The following GREB1L variants were observed in gnomAD, a reference collection of about 807,000 sequenced individuals.
GREB1L encodes the protein GREB1 like retinoic acid receptor coactivator.
Under a neutral mutation model 200.8 loss-of-function variants are expected in GREB1L, and 17 were observed. The ratio of observed to expected loss-of-function variants is 0.08; its 90% CI spans 0.06 to 0.13. GREB1L has a LOEUF of 0.13. GREB1L is among the 10% of genes least tolerant of loss of function. GREB1L has a pLI of 1.00. For missense variants in GREB1L, 1,657 were observed against 2,367.7 expected (o/e 0.70, Z 6.23); for synonymous variants, 789 against 893.0 (o/e 0.88, Z 2.08).
At chr18:21,383,409 A>C in intron 2 of GREB1L, 101 bp from the exon 3 acceptor site, 1 of 834,604 alleles carries the variant, frequency 1.2e-6, no homozygotes, top group South Asian at 2.1e-5. Context: ...TCTTAACAAG[A>C]TATATGGACA....
chr18:21,315,994 G>C (rs944657583), intron 1 of GREB1L, among the ~76,000 whole-genome samples: 7 of 152,158 alleles, frequency 4.6e-5, no homozygotes, highest in Admixed American at 4.6e-4. Context: ...GTCTGCCCTC[G>C]GGGATAGGCC....
intron 1 of GREB1L, among the ~76,000 whole-genome samples, chr18:21,334,522 A>G (rs549684570): frequency 6.6e-6 from 1 of 152,134 alleles, no homozygotes; most frequent in African/African-American, 2.4e-5. Flanking sequence ...CTTGCTGGAT[A>G]AAAAAATCAC....
intron 1 of GREB1L, among the ~76,000 whole-genome samples, chr18:21,277,041 G>C (rs1157769992): frequency 6.7e-6 from 1 of 148,804 alleles, no homozygotes; most frequent in East Asian, 2.0e-4. Flanking sequence ...CCATTCTCCT[G>C]CCTCAGCCTC....
At chr18:21,357,792 T>C (rs1464984259) in intron 1 of GREB1L, among the ~76,000 whole-genome samples, 1 of 152,194 alleles carries the variant, frequency 6.6e-6, no homozygotes, top group Non-Finnish European at 1.5e-5. Context: ...CGTGGATTAA[T>C]TTTGGGGGCT....
At chr18:21,458,491 C>G (rs1026828357) in intron 15 of GREB1L, among the ~76,000 whole-genome samples, 5 of 152,154 alleles carry the variant, frequency 3.3e-5, no homozygotes, top group Non-Finnish European at 7.3e-5. Context: ...AGCACCCAGG[C>G]AGGGAAGAGC....
At chr18:21,297,043 A>G (rs1215576163) in intron 1 of GREB1L, among the ~76,000 whole-genome samples, 2 of 152,134 alleles carry the variant, frequency 1.3e-5, no homozygotes. Flanking sequence ...CCATTGCTAG[A>G]GTCTCTTTAC....
chr18:21,487,055 A>G (rs886393238), intron 18 of GREB1L, among the ~76,000 whole-genome samples: 1 of 152,244 alleles, frequency 6.6e-6, no homozygotes, highest in Non-Finnish European at 1.5e-5. Flanking sequence ...GGATTTGGAA[A>G]GTCTTAACTG....
At chr18:21,279,757 C>T (rs1191944770) in intron 1 of GREB1L, among the ~76,000 whole-genome samples, 1 of 152,186 alleles carries the variant, frequency 6.6e-6, no homozygotes, top group African/African-American at 2.4e-5. Flanking sequence ...GCAATCCTCC[C>T]ACCCCAGCCA....
At position 21,508,389 on chromosome 18, in the gene GREB1L, T is replaced by C. The variant is rs1380923600; in HGVS notation, c.4533T>C (p.Asn1511=). Residue 1511 remains asparagine, a splice_region_variant and synonymous_variant, in exon 27 of 33, where the codon AAT becomes AAC. Coordinates refer to ENST00000424526, the MANE Select transcript of GREB1L (RefSeq NM_001142966.3). ...TCTGTTTTTTTCCCTTTCAGCAGAATTTGAATGCAGTCAAGAGCCCTATTT... is the reference window on the plus strand; with the variant it reads ...TCTGTTTTTTTCCCTTTCAGCAGAACTTGAATGCAGTCAAGAGCCCTATTT... The part of the protein sequence containing the change: ...SMRLPLVSDK[N]LNAVKSPIFT... The C allele has an allele frequency of 1.3e-6, 2 of 1,551,574 alleles. No homozygotes were observed. Among genetic ancestry groups the C allele is most frequent in the Admixed American group, 3.9e-5 (2 of 50,978 alleles).
At position 21,516,684 on chromosome 18, in the gene GREB1L, A is replaced by G; in HGVS notation, c.5201A>G (p.Asn1734Ser). 6.4e-7 allele frequency: 1 copy of G among 1,551,464 alleles called. No individual in the cohort carries two copies. Among genetic ancestry groups the G allele is most frequent in the Non-Finnish European group, 8.7e-7 (1 of 1,146,836 alleles). The change falls in exon 30 of 33, where the codon AAC becomes AGC. Residue 1734 changes from asparagine (N) to serine (S), a missense_variant. Transcript: ENST00000424526. ...GGCCTGCTCATCTGCCGCTTTAATA[A>G]CTTCAGTCTCATGAAGAAACATGTT... ...SSGLLICRFNNFSLMKKHVQV... is the reference protein window; with the variant it reads ...SSGLLICRFNSFSLMKKHVQV...
chr18:21,500,073 A>G lies in GREB1L; in HGVS notation c.3736A>G (p.Lys1246Glu), dbSNP rs1412435891. The change falls in exon 22 of 33, where the codon AAG (lysine) becomes GAG (glutamate). Residue 1246 changes from lysine to glutamate, a missense_variant. By Grantham distance (56) the Lys-to-Glu change is moderately conservative. Around this residue, in one of 9 missense-constraint regions of GREB1L, gnomAD observed 512 missense variants for 668.3 expected, o/e 0.77. Coordinates refer to ENST00000424526, the MANE Select transcript of GREB1L (RefSeq NM_001142966.3). ...KAAYSLLGSQ[K>E]SGKLPSSSSL... ...GGCCTACAGTCTCCTGGGCTCCCAG[A>G]AGAGTGGCAAGCTGCCATCCTCCTC... The G allele has an allele frequency of 6.4e-7, 1 of 1,551,624 alleles. No individual in the cohort carries two copies. Among genetic ancestry groups the G allele is most frequent in the African/African-American group, 1.4e-5 (1 of 73,170 alleles).
In GREB1L at chr18:21,485,681, A is replaced by G; in HGVS notation, c.2618A>G (p.Gln873Arg). The G allele has an allele frequency of 6.4e-7, 1 of 1,551,514 alleles. No individual in the cohort carries two copies. The highest frequency in any genetic ancestry group is 8.7e-7 in the Non-Finnish European group (1 of 1,146,816). ...FGLSEYSKSL[Q>R]WGITSPLLRC... ...TTGAGTGAGTACAGCAAGTCTCTGC[A>G]GTGGGGGATCACGAGCCCACTTCTG... The change falls in exon 18 of 33, where the codon CAG (glutamine) becomes CGG (arginine). Residue 873 changes from glutamine (Q) to arginine (R), a missense_variant. By Grantham distance (43) the Gln-to-Arg change is conservative (BLOSUM62 1). Around this residue, in one of 9 missense-constraint regions of GREB1L, gnomAD observed 239 missense variants for 421.8 expected, o/e 0.57. Transcript: ENST00000424526.
At chr18:21,309,586 C>A (rs2038758949) in intron 1 of GREB1L, among the ~76,000 whole-genome samples, 1 of 152,160 alleles carries the variant, frequency 6.6e-6, no homozygotes, top group Non-Finnish European at 1.5e-5. Flanking sequence ...ACTACTGCAC[C>A]TTACGAAATG....
At position 21,508,131 on chromosome 18, in the gene GREB1L, C is replaced by T; in HGVS notation, c.4382C>T (p.Thr1461Ile). 6.4e-7 allele frequency: 1 copy of T among 1,551,608 alleles called. No homozygotes were observed. The highest frequency in any genetic ancestry group is 1.7e-4 in the Middle Eastern group (1 of 5,990). ...TTGCAAATGTAGATGTCTGACTCCA[C>T]CCTTCATGCCTTCACATTCTCTTCT... ...FTSASQMSDS[T>I]LHAFTFSSSM... Residue 1461 changes from threonine (T) to isoleucine (I), a missense_variant, in exon 26 of 33, where the codon ACC becomes ATC. Physicochemically the swap from Thr to Ile is moderately conservative, Grantham distance 89 (BLOSUM62 -1). Around this residue, in one of 9 missense-constraint regions of GREB1L, gnomAD observed 512 missense variants for 668.3 expected, o/e 0.77. Coordinates refer to ENST00000424526, the MANE Select transcript of GREB1L (RefSeq NM_001142966.3).
chr18:21,276,820 GGAAA>G (rs2038173115), intron 1 of GREB1L, among the ~76,000 whole-genome samples: 1 of 151,624 alleles, frequency 6.6e-6, no homozygotes, highest in African/African-American at 2.4e-5. Flanking sequence ...GGAGAAAGAA[GGAAA>G]GAAAGAAAAG....
At chr18:21,487,409 G>C (rs1387046259) in intron 18 of GREB1L, among the ~76,000 whole-genome samples, 1 of 152,052 alleles carries the variant, frequency 6.6e-6, no homozygotes, top group East Asian at 1.9e-4. Flanking sequence ...GCTTTTCTAC[G>C]TGGCCCAGCA....
At chr18:21,419,236 A>C (rs1309149327) in intron 7 of GREB1L, among the ~76,000 whole-genome samples, 5 of 152,220 alleles carry the variant, frequency 3.3e-5, no homozygotes, top group African/African-American at 4.8e-5. Context: ...CACATTTCTT[A>C]GAGCATATTT....
chr18:21,267,727 T>C (rs2037994900), intron 1 of GREB1L, among the ~76,000 whole-genome samples: 2 of 152,078 alleles, frequency 1.3e-5, no homozygotes, highest in African/African-American at 4.8e-5. Flanking sequence ...CAGGAATTTT[T>C]TTTTCTACTT....
rs775869656 is a variant in GREB1L at position 21,444,364 on chromosome 18, G to T, written c.1348G>T (p.Val450Leu). ...LGLTGSQFLS[V>L]ENMILLTIQY... Reference sequence around the variant, plus strand: ...GTTGACCGGCAGCCAATTTCTGAGCGTGGAAAACATGATTCTTCTGACGAT... The same window carrying T: ...GTTGACCGGCAGCCAATTTCTGAGCTTGGAAAACATGATTCTTCTGACGAT... The change falls in exon 11 of 33, where the codon GTG becomes TTG. Residue 450 changes from valine to leucine, a missense_variant. Physicochemically the swap from Val to Leu is conservative, Grantham distance 32. Around this residue, in one of 9 missense-constraint regions of GREB1L, gnomAD observed 289 missense variants for 345.1 expected, o/e 0.84. Coordinates refer to ENST00000424526, the MANE Select transcript of GREB1L (RefSeq NM_001142966.3). 9.0e-6 allele frequency: 14 copies of T among 1,552,168 alleles called. No individual in the cohort carries two copies. The highest frequency in any genetic ancestry group is 1.2e-5 in the Non-Finnish European group (14 of 1,147,102).
Sources: gnomAD v4.1 joint callset for allele counts (sites outside exome capture counted in the v4.1 genomes callset) on GRCh38, gnomAD v4.1.1 for gene constraint, gnomAD v4.1.1 regional missense constraint, MANE v1.5 for transcripts, NCBI Gene and HGNC (gene_info 2026-07-23, HGNC 2026-07-21) for gene names.